The following PLCE1 variants were observed in gnomAD, a reference collection of about 807,000 sequenced individuals.
The protein encoded by PLCE1 is phospholipase C epsilon 1.
PLCE1 carries 119 observed loss-of-function variants against 242.8 expected under a neutral mutation model. The observed-to-expected ratio is 0.49, with a 90% CI of 0.42 to 0.57. The LOEUF (loss-of-function observed/expected upper bound fraction) is 0.57. Among genes scored for constraint, PLCE1 ranks in the 20% least tolerant of loss-of-function variants. PLCE1 has a pLI of 0.00. For synonymous variants in PLCE1, 945 were observed against 1,017.4 expected (o/e 0.93, Z 1.35); for missense variants, 2,441 against 2,788.8 (o/e 0.88, Z 2.81).
intron 2 of PLCE1, among the ~76,000 whole-genome samples, chr10:94,051,075 G>T (rs189463942): frequency 6.6e-5 from 10 of 152,124 alleles, no homozygotes; most frequent in Admixed American, 5.2e-4. Flanking sequence ...AACTTGAAAA[G>T]ATCTCCTCAA....
intron 21 of PLCE1, 69 bp from the exon 22 acceptor site, chr10:94,284,779 A>T: frequency 1.2e-6 from 1 of 840,020 alleles, no homozygotes; most frequent in Non-Finnish European, 2.1e-6. Flanking sequence ...CAGATAAAAG[A>T]GCTTTGGGAA....
At chr10:94,092,274 A>C (rs528947082) in intron 2 of PLCE1, among the ~76,000 whole-genome samples, 2 of 152,320 alleles carry the variant, frequency 1.3e-5, no homozygotes, top group South Asian at 2.1e-4. Context: ...GGGTGAGAAG[A>C]ACTAGGTTTT....
chr10:94,280,189 C>A, intron 20 of PLCE1: 3 of 467,606 alleles, frequency 6.4e-6, no homozygotes, highest in South Asian at 2.1e-5. Context: ...GCAGAGAAAC[C>A]CTGTTTTCAC....
intron 32 of PLCE1, among the ~76,000 whole-genome samples, chr10:94,326,792 C>T (rs2133937585): frequency 6.6e-6 from 1 of 152,296 alleles, no homozygotes; most frequent in Admixed American, 6.5e-5. Flanking sequence ...AATGGATTCA[C>T]ATGACTTTTT....
intron 4 of PLCE1, among the ~76,000 whole-genome samples, chr10:94,209,023 A>G (rs1160976116): frequency 1.1e-4 from 16 of 152,074 alleles, no homozygotes; most frequent in Admixed American, 9.8e-4. Context: ...TTTGAAAAAT[A>G]CTCTTTAAAG....
intron 2 of PLCE1, among the ~76,000 whole-genome samples, chr10:94,079,414 A>G (rs1386686932): frequency 1.3e-5 from 2 of 152,042 alleles, no homozygotes; most frequent in African/African-American, 4.8e-5. Context: ...TTCATTATGA[A>G]AGGGGAGGGG....
chr10:94,032,310 A>G (rs2061575953), intron 2 of PLCE1, 58 bp downstream of exon 2: 2 of 1,526,806 alleles, frequency 1.3e-6, no homozygotes, highest in African/African-American at 2.7e-5. Flanking sequence ...TTTCAAAAAA[A>G]AGTCCAAATT....
In PLCE1 at chr10:94,254,250, G is replaced by C. The variant is rs533569760; in HGVS notation, c.3340G>C (p.Glu1114Gln). The C allele has an allele frequency of 6.2e-7, 1 of 1,614,010 alleles. No individual in the cohort carries two copies. The highest frequency in any genetic ancestry group is 1.3e-5 in the African/African-American group (1 of 74,938). ...MATRKAKMHK[E>Q]CRSRSGSDPQ... ...AACCCGAAAGGCCAAGATGCACAAA[G>C]AGTGTCGAAGCCGGAGTGGTTCTGA... Residue 1114 changes from glutamate (E) to glutamine (Q), a missense_variant, in exon 10 of 33, where the codon GAG becomes CAG. Glu to Gln is a conservative substitution (Grantham distance 29). Around this residue, in one of 5 missense-constraint regions of PLCE1, gnomAD observed 1,004 missense variants for 1,322.7 expected, o/e 0.76. Coordinates refer to ENST00000371380, the MANE Select transcript of PLCE1 (RefSeq NM_016341.4).
At chr10:94,033,616 A>AT (rs1332992584) in intron 2 of PLCE1, among the ~76,000 whole-genome samples, 11 of 152,074 alleles carry the variant, frequency 7.2e-5, no homozygotes, top group Admixed American at 2.0e-4. Flanking sequence ...GGTCCTCTGA[A>AT]TTCTATCCAC....
At chr10:94,193,861 G>A (rs933605643) in intron 4 of PLCE1, among the ~76,000 whole-genome samples, 4 of 152,164 alleles carry the variant, frequency 2.6e-5, no homozygotes, top group Non-Finnish European at 4.4e-5. Flanking sequence ...AACACCAGGC[G>A]GGCTTCCCTG....
intron 1 of PLCE1, among the ~76,000 whole-genome samples, chr10:94,016,838 G>A (rs2061291575): frequency 6.6e-6 from 1 of 152,176 alleles, no homozygotes; most frequent in African/African-American, 2.4e-5. Flanking sequence ...AAAAGTTAGT[G>A]TAGAGTATGG....
At position 94,216,877 on chromosome 10, in the gene PLCE1, C is replaced by G. The variant is rs1044614816; in HGVS notation, c.1810-10429C>G. ...AAGCTCCGCACAGTGTTTGCTGAGGCATTTCTTTGCCCAGTAGATCAGGGT... is the reference window on the plus strand; with the variant it reads ...AAGCTCCGCACAGTGTTTGCTGAGGGATTTCTTTGCCCAGTAGATCAGGGT... On this transcript the variant is annotated intron_variant, in intron 4 of 32. Transcript: ENST00000371380. Among the ~76,000 whole-genome samples the G allele has an allele frequency of 4.6e-5, 7 of 151,798 alleles. No individual in the cohort carries two copies. The East Asian group carries it at 1.4e-3, about 30-fold the overall frequency.
chr10:94,257,892 C>T (rs1408342031), intron 11 of PLCE1, among the ~76,000 whole-genome samples: 1 of 152,150 alleles, frequency 6.6e-6, no homozygotes, highest in Non-Finnish European at 1.5e-5. Context: ...GTACATTGTG[C>T]ACATGTACCC....
chr10:94,074,862 T>C (rs866144102), intron 2 of PLCE1, among the ~76,000 whole-genome samples: 15 of 152,234 alleles, frequency 9.9e-5, no homozygotes, highest in Non-Finnish European at 1.9e-4. Flanking sequence ...ATTGATTTTT[T>C]AAAGAATAAC....
chr10:94,030,140 C>G (rs964273158), intron 1 of PLCE1, among the ~76,000 whole-genome samples: 53 of 152,292 alleles, frequency 3.5e-4, no homozygotes, highest in Admixed American at 9.8e-4. Context: ...TTTGTCCACT[C>G]TCTTCTGGAT....
At chr10:94,181,564 A>G (rs2048312288) in intron 4 of PLCE1, among the ~76,000 whole-genome samples, 1 of 152,068 alleles carries the variant, frequency 6.6e-6, no homozygotes, top group African/African-American at 2.4e-5. Flanking sequence ...TGACAGAGCA[A>G]GACTCTGTCT....
At chr10:94,242,476 A>G (rs2050540711) in intron 7 of PLCE1, among the ~76,000 whole-genome samples, 1 of 151,938 alleles carries the variant, frequency 6.6e-6, no homozygotes, top group African/African-American at 2.4e-5. Flanking sequence ...ACGCCCAGCT[A>G]ATTTTTGTAT....
At position 94,031,923 on chromosome 10, in the gene PLCE1, G is replaced by T. The variant is rs192084195; in HGVS notation, c.877G>T (p.Ala293Ser). 60 of 1,613,880 alleles carry T rather than the reference G, an allele frequency of 3.7e-5. No homozygotes were observed. The highest frequency in any genetic ancestry group is 3.6e-4 in the East Asian group (16 of 44,872). ...CRKDFTDSQA[A>S]KTFLSHFEDF... is the part of the protein sequence containing the mutation. ...GAAAGACTTTACTGACAGTCAAGCT[G>T]CCAAGACCTTTTTGAGCCATTTTGA... The change falls in exon 2 of 33, where the codon GCC (alanine) becomes TCC (serine). Residue 293 changes from alanine to serine, a missense_variant. Coordinates refer to ENST00000371380, the MANE Select transcript of PLCE1 (RefSeq NM_016341.4).
chr10:94,018,557 G>A (rs1316647208), intron 1 of PLCE1, among the ~76,000 whole-genome samples: 1 of 152,170 alleles, frequency 6.6e-6, no homozygotes, highest in Admixed American at 6.5e-5. Context: ...CTTCACTGAT[G>A]ACTTGAGTTT....
Sources: allele counts gnomAD v4.1 joint callset (sites outside exome capture counted in the v4.1 genomes callset), GRCh38; gene constraint gnomAD v4.1.1; regional missense constraint gnomAD v4.1.1; transcripts MANE v1.5; gene names NCBI Gene and HGNC (gene_info 2026-07-23, HGNC 2026-07-21).